Variants in KHDRBS1 observed in about 807,000 individuals in gnomAD.
KHDRBS1 encodes the protein KH RNA binding domain containing, signal transduction associated 1.
Under a neutral mutation model 48.4 loss-of-function variants are expected in KHDRBS1, and 7 were observed. That is an observed-to-expected ratio of 0.14 (90% CI 0.08 to 0.27). The LOEUF is 0.27. KHDRBS1 is among the 10% of genes least tolerant of loss of function. KHDRBS1 has a pLI of 1.00. For missense variants in KHDRBS1, 458 were observed against 601.2 expected (o/e 0.76, Z 2.49); for synonymous variants, 241 against 235.8 (o/e 1.02, Z -0.20).
At chr1:32,025,590 A>G (rs1013999003) in intron 1 of KHDRBS1, among the ~76,000 whole-genome samples, 1 of 149,842 alleles carries the variant, frequency 6.7e-6, no homozygotes, top group Non-Finnish European at 1.5e-5. Flanking sequence ...CATGAGCCAC[A>G]GCGCCTGGCC....
chr1:32,044,978 C>T (rs989293586), downstream of KHDRBS1, among the ~76,000 whole-genome samples: 1 of 152,078 alleles, frequency 6.6e-6, no homozygotes, highest in African/African-American at 2.4e-5. Context: ...CATATGTTGC[C>T]GCATAAATTA....
rs186760621 is a variant in KHDRBS1 at position 32,049,386 on chromosome 1, A to G, written n.1301+3996A>G. On this transcript the variant is annotated intron_variant and non_coding_transcript_variant, in intron 10 of 10. Transcript: ENST00000484270. Reference sequence around the variant, plus strand: ...CCTCCTTTCACTTCGGATGTTTTCAAGGTTCATCCATGTTGTAGCATGTAT... The same window carrying G: ...CCTCCTTTCACTTCGGATGTTTTCAGGGTTCATCCATGTTGTAGCATGTAT... Among the ~76,000 whole-genome samples the G allele has an allele frequency of 1.7e-3, 260 of 150,874 alleles. 2 individuals carry two copies. The highest frequency in any genetic ancestry group is 1.3e-4 in the Non-Finnish European group (9 of 67,824).
At chr1:32,032,701 A>C (rs1354406665) in intron 3 of KHDRBS1, among the ~76,000 whole-genome samples, 1 of 149,992 alleles carries the variant, frequency 6.7e-6, no homozygotes, top group African/African-American at 2.5e-5. Context: ...AGTTTGTTTT[A>C]CTTTTTTTTT....
rs976511279 is a variant in KHDRBS1, at chr1:32,043,288, A to G, written c.*664A>G. The G allele has an allele frequency of 3.9e-5, 6 of 152,580 alleles. No individual in the cohort carries two copies. The highest frequency in any genetic ancestry group is 1.4e-4 in the African/African-American group (6 of 41,458). 9.5% of individuals were successfully genotyped at this position (152,580 alleles called of 1,614,324 possible). On this transcript the variant is annotated 3_prime_UTR_variant, in exon 9 of 9. Coordinates refer to ENST00000327300, the MANE Select transcript of KHDRBS1 (RefSeq NM_006559.3). ...TTTTTAACGTTAATTGATATAAAAA[A>G]AAAAACAACAAAATTAGGCTTGTAA...
intron 7 of KHDRBS1, among the ~76,000 whole-genome samples, chr1:32,039,138 A>G (rs902530565): frequency 2.0e-5 from 3 of 152,198 alleles, no homozygotes; most frequent in Non-Finnish European, 4.4e-5. Context: ...TTGTGTGTCC[A>G]TATATATAGC....
intron 1 of KHDRBS1, among the ~76,000 whole-genome samples, chr1:32,029,942 T>C (rs1639049782): frequency 6.6e-6 from 1 of 152,182 alleles, no homozygotes; most frequent in African/African-American, 2.4e-5. Flanking sequence ...TTTTTCAAGG[T>C]AAGATTATAC....
At chr1:32,034,115 G>T (rs1290342483) in intron 4 of KHDRBS1, among the ~76,000 whole-genome samples, 1 of 152,180 alleles carries the variant, frequency 6.6e-6, no homozygotes, top group South Asian at 2.1e-4. Flanking sequence ...TGAAGGATTT[G>T]GAATATTATT....
intron 2 of KHDRBS1, among the ~76,000 whole-genome samples, chr1:32,031,199 A>AT (rs1368675261): frequency 1.3e-5 from 2 of 152,166 alleles, no homozygotes; most frequent in African/African-American, 4.8e-5. Context: ...ATGAGCCATG[A>AT]TTGTGTCACT....
At chr1:32,038,492 CCT>C in intron 6 of KHDRBS1, 58 bp from the exon 7 acceptor site, 1 of 1,543,064 alleles carries the variant, frequency 6.5e-7, no homozygotes, top group Non-Finnish European at 8.9e-7. Context: ...GATGTAATTA[CCT>C]TTCCTACTCT....
rs756940024 is a variant in KHDRBS1, at chr1:32,030,281, T to C, written c.383-17T>C. 3 of 1,596,850 alleles carry C rather than the reference T, an allele frequency of 1.9e-6. No homozygotes were observed. Among genetic ancestry groups the C allele is most frequent in the East Asian group, 4.5e-5 (2 of 44,478 alleles). Reference sequence around the variant, plus strand: ...ATTTATTTACCAGGGCAAAAATAAATTGTTTTTCCTATTCAGAAATTGAGA... The same window carrying C: ...ATTTATTTACCAGGGCAAAAATAAACTGTTTTTCCTATTCAGAAATTGAGA... On this transcript the variant is annotated splice_polypyrimidine_tract_variant and intron_variant, in intron 1 of 8. Coordinates refer to ENST00000327300, the MANE Select transcript of KHDRBS1 (RefSeq NM_006559.3).
intron 1 of KHDRBS1, among the ~76,000 whole-genome samples, chr1:32,026,819 G>A (rs1638981299): frequency 6.6e-6 from 1 of 152,076 alleles, no homozygotes; most frequent in Non-Finnish European, 1.5e-5. Context: ...TGTTGTGATG[G>A]AGTCTTGCCC....
intron 3 of KHDRBS1, among the ~76,000 whole-genome samples, chr1:32,032,583 C>T (rs1383658114): frequency 1.3e-5 from 2 of 152,152 alleles, no homozygotes; most frequent in African/African-American, 4.8e-5. Flanking sequence ...CTTCTTTATG[C>T]TTTTAGTAGG....
intron 10 of KHDRBS1, among the ~76,000 whole-genome samples, chr1:32,052,059 G>A (rs953764982): frequency 6.6e-6 from 1 of 152,192 alleles, no homozygotes; most frequent in African/African-American, 2.4e-5. Flanking sequence ...AAGTGAGATA[G>A]GGAAAATAGG....
rs768107967 is a variant in KHDRBS1, at chr1:32,036,923, A to G, written c.785A>G (p.Asp262Gly). 2.5e-6 allele frequency: 4 copies of G among 1,613,428 alleles called. No homozygotes were observed. The highest frequency in any genetic ancestry group is 3.4e-6 in the Non-Finnish European group (4 of 1,179,724). The change falls in exon 5 of 9, where the codon GAT becomes GGT. Residue 262 changes from aspartate to glycine, a missense_variant. Around this residue, in one of 3 missense-constraint regions of KHDRBS1, gnomAD observed 74 missense variants for 156.9 expected, o/e 0.47. Transcript: ENST00000327300. ...KKFLVPDMMD[D>G]ICQEQFLELS... ...TTTCGTTCCCAGGATATGATGGATG[A>G]TATCTGTCAGGAGCAATTTCTAGAG...
intron 1 of KHDRBS1, among the ~76,000 whole-genome samples, chr1:32,022,671 A>T (rs1349335782): frequency 6.6e-6 from 1 of 152,120 alleles, no homozygotes; most frequent in East Asian, 1.9e-4. Context: ...CAGGTGGATC[A>T]CAAGGTCAGG....
Position 32,042,672 on chromosome 1 carries a change from A to C in KHDRBS1, c.*48A>C. ...TCAGTTATGAGCAAAGTTGTTACTG[A>C]TTTCTTGTATCTCCCAGGATTCCTG... On this transcript the variant is annotated 3_prime_UTR_variant, in exon 9 of 9. Coordinates refer to ENST00000327300, the MANE Select transcript of KHDRBS1 (RefSeq NM_006559.3). The C allele has an allele frequency of 8.8e-7, 1 of 1,141,022 alleles. No homozygotes were observed. Among genetic ancestry groups the C allele is most frequent in the Non-Finnish European group, 1.3e-6 (1 of 758,378 alleles). The allele number at this position is 1,141,022 out of a possible 1,614,324, so 70.7% of individuals were successfully genotyped here.
At chr1:32,014,399 C>T (rs1409201753) in intron 1 of KHDRBS1, 22 bp downstream of exon 1, 4 of 1,317,632 alleles carry the variant, frequency 3.0e-6, no homozygotes, top group Non-Finnish European at 3.9e-6. Flanking sequence ...TCCCGTGTCC[C>T]TCTGGGTCGC....
intron 2 of KHDRBS1, 49 bp from the exon 3 acceptor site, chr1:32,031,475 G>T: frequency 8.5e-7 from 1 of 1,170,710 alleles, no homozygotes; most frequent in Admixed American, 2.3e-5. Flanking sequence ...ATGTGGAAAT[G>T]TTTTTATATA....
chr1:32,051,631 C>G (rs942239833), intron 10 of KHDRBS1, among the ~76,000 whole-genome samples: 7 of 152,330 alleles, frequency 4.6e-5, no homozygotes, highest in African/African-American at 1.7e-4. Context: ...TCCTCGCTTC[C>G]TAGCCCTCTC....
Sources: gnomAD v4.1 joint callset for allele counts (sites outside exome capture counted in the v4.1 genomes callset) on GRCh38, gnomAD v4.1.1 for gene constraint, gnomAD v4.1.1 regional missense constraint, MANE v1.5 for transcripts, NCBI Gene and HGNC (gene_info 2026-07-23, HGNC 2026-07-21) for gene names.